Variants in ZBTB20 observed in about 807,000 individuals in gnomAD.
ZBTB20 encodes zinc finger and BTB domain-containing protein 20.
ZBTB20 carries 9 observed loss-of-function variants against 56.9 expected under a neutral mutation model. The ratio of observed to expected loss-of-function variants is 0.16; its 90% CI spans 0.10 to 0.28. The LOEUF (loss-of-function observed/expected upper bound fraction) is 0.28, where lower values mean the gene tolerates loss of function less well. Among genes scored for constraint, ZBTB20 ranks in the 10% least tolerant of loss-of-function variants. The pLI, the probability that ZBTB20 is intolerant of heterozygous loss-of-function variation, is 1.00. For synonymous variants in ZBTB20, 417 were observed against 420.7 expected (o/e 0.99, Z 0.11); for missense variants, 655 against 1,003.0 (o/e 0.65, Z 4.69).
chr3:114,839,455 GAAAGAA>G (rs1419341536), intron 4 of ZBTB20, among the ~76,000 whole-genome samples: 11 of 150,784 alleles, frequency 7.3e-5, no homozygotes, highest in Admixed American at 4.0e-4. Flanking sequence ...AAGAAAGAAA[GAAAGAA>G]AGAAAGAGAG....
chr3:114,414,418 C>T (rs765147000), intron 7 of ZBTB20, among the ~76,000 whole-genome samples: 174 of 152,042 alleles, frequency 1.1e-3, no homozygotes, highest in Non-Finnish European at 1.5e-3. Context: ...AGAGAAGAAT[C>T]CGGAGTTTAC....
chr3:114,939,517 G>A (rs967867700), intron 3 of ZBTB20, among the ~76,000 whole-genome samples: 3 of 146,140 alleles, frequency 2.1e-5, no homozygotes, highest in Non-Finnish European at 2.9e-5. Context: ...AAGTTTTTTT[G>A]CATTTTTGAA....
chr3:115,076,952 G>C (rs866244552), intron 1 of ZBTB20, among the ~76,000 whole-genome samples: 2 of 152,118 alleles, frequency 1.3e-5, no homozygotes, highest in South Asian at 2.1e-4. Context: ...GTTCGCAATA[G>C]GGTTCACACT....
chr3:114,436,610 AC>A (rs1205408831), intron 7 of ZBTB20, among the ~76,000 whole-genome samples: 3 of 152,186 alleles, frequency 2.0e-5, no homozygotes, highest in African/African-American at 4.8e-5. Context: ...TTATTTTCAT[AC>A]AAAAAAAGTA....
intron 11 of ZBTB20, 138 bp downstream of exon 11, chr3:114,350,136 C>T (rs2080533942): frequency 2.3e-6 from 3 of 1,283,128 alleles, no homozygotes; most frequent in Non-Finnish European, 3.2e-6. Context: ...GTTGGGGTTT[C>T]TAGAAGAGGC....
chr3:114,663,642 C>T (rs1311470621), intron 6 of ZBTB20, among the ~76,000 whole-genome samples: 9 of 150,530 alleles, frequency 6.0e-5, no homozygotes, highest in African/African-American at 1.9e-4. Context: ...TTCAGGAAAC[C>T]CATCTCACGT....
intron 5 of ZBTB20, among the ~76,000 whole-genome samples, chr3:114,795,311 T>C (rs995964728): frequency 6.6e-6 from 1 of 152,088 alleles, no homozygotes; most frequent in Admixed American, 6.6e-5. Flanking sequence ...ATCCTTCAAT[T>C]GGTATTTTTG....
chr3:114,645,375 G>A (rs1262210128), intron 6 of ZBTB20, among the ~76,000 whole-genome samples: 1 of 152,018 alleles, frequency 6.6e-6, no homozygotes, highest in African/African-American at 2.4e-5. Context: ...AGCATTACTG[G>A]CAAATTAATT....
At chr3:115,069,195 G>C (rs1354030189) in intron 2 of ZBTB20, among the ~76,000 whole-genome samples, 1 of 152,150 alleles carries the variant, frequency 6.6e-6, no homozygotes, top group African/African-American at 2.4e-5. Context: ...GAAGCATTTA[G>C]GAATGGAAGG....
chr3:114,467,476 G>T (rs1255319319), intron 7 of ZBTB20, among the ~76,000 whole-genome samples: 1 of 152,156 alleles, frequency 6.6e-6, no homozygotes, highest in Non-Finnish European at 1.5e-5. Flanking sequence ...TCAAGAATTA[G>T]AGATAGATAG....
intron 5 of ZBTB20, among the ~76,000 whole-genome samples, chr3:114,699,091 CTT>C: frequency 6.6e-6 from 1 of 152,102 alleles, no homozygotes; most frequent in East Asian, 1.9e-4. Flanking sequence ...GGTCAGTTGA[CTT>C]CAGTTCCATT....
intron 6 of ZBTB20, among the ~76,000 whole-genome samples, chr3:114,669,655 T>A (rs2061254136): frequency 6.6e-6 from 1 of 151,904 alleles, no homozygotes. Context: ...CCAAATGAGT[T>A]ATGCAAAGTT....
intron 5 of ZBTB20, among the ~76,000 whole-genome samples, chr3:114,695,176 G>C (rs560299321): frequency 1.7e-4 from 26 of 152,180 alleles, no homozygotes; most frequent in African/African-American, 5.8e-4. Context: ...GCAATAAGAA[G>C]AGAAGCTAGG....
chr3:114,785,706 T>C (rs2070429647), intron 5 of ZBTB20, among the ~76,000 whole-genome samples: 1 of 151,364 alleles, frequency 6.6e-6, no homozygotes, highest in Non-Finnish European at 1.5e-5. Flanking sequence ...CAAATACACA[T>C]TACCACGGTC....
intron 2 of ZBTB20, among the ~76,000 whole-genome samples, chr3:115,024,883 C>T (rs937386915): frequency 2.6e-5 from 4 of 151,080 alleles, no homozygotes; most frequent in African/African-American, 7.3e-5. Flanking sequence ...CCGCTAGTAA[C>T]TACTGTTACT....
At chr3:114,345,818 C>T (rs978343903) in intron 11 of ZBTB20, among the ~76,000 whole-genome samples, 2 of 152,190 alleles carry the variant, frequency 1.3e-5, no homozygotes, top group Non-Finnish European at 2.9e-5. Flanking sequence ...CATGTTGACA[C>T]CAAGGCTTAT....
intron 6 of ZBTB20, among the ~76,000 whole-genome samples, chr3:114,561,565 T>C (rs1176901089): frequency 6.6e-6 from 1 of 152,084 alleles, no homozygotes; most frequent in Non-Finnish European, 1.5e-5. Context: ...CAATGAGCAG[T>C]AGTATGTTGA....
At chr3:114,442,973 C>T (rs1387784002) in intron 7 of ZBTB20, among the ~76,000 whole-genome samples, 5 of 152,120 alleles carry the variant, frequency 3.3e-5, no homozygotes, top group African/African-American at 1.2e-4. Flanking sequence ...CTCATTAATA[C>T]AGAATTACCA....
chr3:114,542,744 C>G (rs2049269365), intron 6 of ZBTB20, among the ~76,000 whole-genome samples: 1 of 152,138 alleles, frequency 6.6e-6, no homozygotes, highest in African/African-American at 2.4e-5. Flanking sequence ...GTGAGGTACA[C>G]AGGAAGGGTT....
Sources: gnomAD v4.1 joint callset for allele counts (sites outside exome capture counted in the v4.1 genomes callset) on GRCh38, gnomAD v4.1.1 for gene constraint, MANE v1.5 for transcripts, NCBI Gene and HGNC (gene_info 2026-07-23, HGNC 2026-07-21) for gene names.